The following PKLR variants were observed in gnomAD, a reference collection of about 807,000 sequenced individuals.
The protein encoded by PKLR is pyruvate kinase PKLR.
A neutral mutation model predicts 53.6 loss-of-function variants in PKLR; 38 were observed. The ratio of observed to expected loss-of-function variants is 0.71; its 90% CI spans 0.55 to 0.93. PKLR has a LOEUF of 0.93. Among genes scored for constraint, PKLR ranks in the 40% least tolerant of loss-of-function variants. The probability of loss-of-function intolerance (pLI) is 0.00; values close to 1 mark genes in which losing one functional copy is unlikely to be tolerated. For missense variants in PKLR, 702 were observed against 787.3 expected, an observed-to-expected ratio of 0.89 and a Z score of 1.30; for synonymous variants, 328 against 316.2, an observed-to-expected ratio of 1.04 and a Z score of -0.39.
intron 10 of PKLR, 23 bp from the exon 11 acceptor site, chr1:155,290,701 A>G: frequency 7.1e-7 from 1 of 1,403,136 alleles, no homozygotes; most frequent in Non-Finnish European, 1.0e-6. Context: ...AAGAAAACAA[A>G]TCATTGGACA....
chr1:155,308,132 C>G, the PKLR span, among the ~76,000 whole-genome samples: 5 of 150,062 alleles, frequency 3.3e-5, no homozygotes, highest in African/African-American at 4.9e-5. Flanking sequence ...TGGATCTCAG[C>G]TCACTGCAAC....
rs1674467874 is a variant in PKLR at position 155,290,175 on chromosome 1, G to C, written c.*397C>G. 3.7e-6 allele frequency: 1 copy of C among 270,010 alleles called. No individual in the cohort carries two copies. The highest frequency in any genetic ancestry group is 7.3e-6 in the Non-Finnish European group (1 of 137,592). The allele number at this position is 270,010 out of a possible 1,614,324, so 16.7% of individuals were successfully genotyped here. A position where few individuals can be genotyped will look rare whatever the true frequency, so the allele number is the denominator to read the frequency against. On this transcript the variant is annotated 3_prime_UTR_variant, in exon 11 of 11. Transcript: ENST00000342741. ...GCTACATATGAGAATGGGAGACTGT[G>C]GACAAGATTGCCCTGTCTCCCCTCT...
upstream of PKLR, chr1:155,301,510 C>A: frequency 7.3e-7 from 1 of 1,372,448 alleles, no homozygotes; most frequent in Non-Finnish European, 1.0e-6. Context: ...CCCAGTAGGC[C>A]ACCCTGTCCC....
chr1:155,296,499 C>T (rs536326492), intron 2 of PKLR, among the ~76,000 whole-genome samples: 13 of 152,106 alleles, frequency 8.5e-5, no homozygotes, highest in Admixed American at 2.6e-4. Flanking sequence ...TGCACCACCA[C>T]GCCTGGCTAA....
upstream of PKLR, among the ~76,000 whole-genome samples, chr1:155,302,760 C>A (rs12037847): frequency 3.6e-4 from 55 of 152,040 alleles, no homozygotes; most frequent in East Asian, 0.01. Flanking sequence ...GTAGCCTTGA[C>A]TTCCTGGGCT....
At position 155,291,687 on chromosome 1, in the gene PKLR, A is replaced by G. The variant is rs1674549165; in HGVS notation, c.1618+69T>C. On this transcript the variant is annotated intron_variant, in intron 10 of 10. Coordinates refer to ENST00000342741, the MANE Select transcript of PKLR (RefSeq NM_000298.6). ...GAGAGGCAAGGCCCTTTGAGTGGGT[A>G]TGGGAAGCTGGGTTGGGGGGCTCCT... 8.6e-6 allele frequency: 12 copies of G among 1,394,000 alleles called. No homozygotes were observed. The Admixed American group carries it at 1.3e-4, about 16-fold the overall frequency. 86.4% of individuals were successfully genotyped at this position (1,394,000 alleles called of 1,614,324 possible).
rs1327326493 is a variant in PKLR at position 155,294,652 on chromosome 1, G to C, written c.795C>G (p.Ser265=). The C allele has an allele frequency of 2.4e-5, 39 of 1,613,980 alleles. No homozygotes were observed. Among genetic ancestry groups the C allele is most frequent in the Non-Finnish European group, 3.2e-5 (38 of 1,180,030 alleles). The change falls in exon 6 of 11, where the codon TCC becomes TCG. Residue 265 remains serine (S), a synonymous_variant. Transcript: ENST00000342741. ...PGAQVDLPGL[S]EQDVRDLRFG... Reference sequence around the variant, plus strand: ...AGCGCAGGTCTCGGACGTCCTGCTCGGACAGCCCGGGCAAGTCCACCTGGG... The same window carrying C: ...AGCGCAGGTCTCGGACGTCCTGCTCCGACAGCCCGGGCAAGTCCACCTGGG...
At position 155,293,411 on chromosome 1, in the gene PKLR, C is replaced by T. The variant is rs763041770; in HGVS notation, c.1269+27G>A. ...ATGGAAGGGATTTGGTTCCCTGGCC[C>T]ATTTGCTTTTCATTCTGAGCTCCTA... On this transcript the variant is annotated intron_variant, in intron 8 of 10. Transcript: ENST00000342741. This position sits in a 1 kb window ranked among gnomAD's most constrained non-coding sequence, Gnocchi z 4.2. 4 of 1,614,098 alleles carry T rather than the reference C, an allele frequency of 2.5e-6. No individual in the cohort carries two copies. In the East Asian group the frequency reaches 8.9e-5, roughly 36 times the overall value.
rs774442850 is a variant in PKLR at position 155,290,409 on chromosome 1, G to C, written c.*163C>G. 1.6e-6 allele frequency: 1 copy of C among 637,330 alleles called. No individual in the cohort carries two copies. Among genetic ancestry groups the C allele is most frequent in the Admixed American group, 2.3e-5 (1 of 43,064 alleles). The allele number at this position is 637,330 out of a possible 1,614,324, so 39.5% of individuals were successfully genotyped here. ...GGAAGGGGCAACCTCGAAGGGGCTA[G>C]ATGACAGTTATAGTCTCAGATAGGC... On this transcript the variant is annotated 3_prime_UTR_variant, in exon 11 of 11. Transcript: ENST00000342741.
rs1278895712 is a variant in PKLR, at chr1:155,301,334, C to T, written c.62G>A (p.Arg21Lys). 7 of 1,613,954 alleles carry T rather than the reference C, an allele frequency of 4.3e-6. No individual in the cohort carries two copies. In the Admixed American group the frequency reaches 6.7e-5, roughly 15 times the overall value. Residue 21 changes from arginine to lysine, a missense_variant, in exon 1 of 11, where the codon AGA becomes AAA. This residue lies in a region of PKLR where 519 missense variants were observed against 537.1 expected (regional missense o/e 0.97). Coordinates refer to ENST00000342741, the MANE Select transcript of PKLR (RefSeq NM_000298.6). ...AATCAGGATGGACTTTGCTAAGTCT[C>T]TTTGGGACTTAGAGACCCATGACCG... The part of the protein sequence containing the change: ...QLRSWVSKSQ[R>K]DLAKSILIGA...
At chr1:155,298,373 G>T (rs1257184687) in intron 2 of PKLR, among the ~76,000 whole-genome samples, 2 of 146,492 alleles carry the variant, frequency 1.4e-5, no homozygotes, top group African/African-American at 2.5e-5. Flanking sequence ...TTGTTGCCCA[G>T]GCTGGGGTGC....
chr1:155,302,240 T>C (rs960327933), upstream of PKLR, among the ~76,000 whole-genome samples: 1 of 144,910 alleles, frequency 6.9e-6, no homozygotes, highest in African/African-American at 2.5e-5. Flanking sequence ...TTCTTTTCTT[T>C]TTTTTTTTTT....
chr1:155,306,526 G>T, the PKLR span, among the ~76,000 whole-genome samples: 2 of 152,188 alleles, frequency 1.3e-5, no homozygotes, highest in Non-Finnish European at 2.9e-5. This position sits in a 1 kb window ranked among gnomAD's most constrained non-coding sequence, Gnocchi z 4.2. Context: ...GGGACACCAG[G>T]AGAGACAGAG....
chr1:155,301,845 C>A (rs1648014977), upstream of PKLR, among the ~76,000 whole-genome samples: 1 of 151,982 alleles, frequency 6.6e-6, no homozygotes, highest in African/African-American at 2.4e-5. Flanking sequence ...ATGCAGAGTG[C>A]CTTCACCACT....
rs750102822 is a variant in PKLR, at chr1:155,295,171, C to G, written c.639G>C (p.Val213=). The G allele has an allele frequency of 2.5e-6, 4 of 1,614,034 alleles. No individual in the cohort carries two copies. In the African/African-American group the frequency reaches 5.3e-5, roughly 22 times the overall value. The change falls in exon 5 of 11, where the codon GTG becomes GTC. Residue 213 remains valine, a synonymous_variant. Coordinates refer to ENST00000342741, the MANE Select transcript of PKLR (RefSeq NM_000298.6). The surrounding 1 kb of genome is among the most constrained non-coding windows in gnomAD (Gnocchi z 4.3). ...CGTCGTCAATGTAGATGCGGCCCCC[C>G]ACCGGCACGACCCGGACAATATTGG... ...DYPNIVRVVP[V]GGRIYIDDGL...
upstream of PKLR, among the ~76,000 whole-genome samples, chr1:155,301,785 G>A (rs768149806): frequency 1.3e-5 from 2 of 152,098 alleles, no homozygotes; most frequent in African/African-American, 4.8e-5. Context: ...ATATGGTGGG[G>A]GGAGGGTTAC....
Position 155,301,171 on chromosome 1 carries a change from T to C in PKLR, c.100+125A>G. ...AACACACGGGAGGCTCTGAAGAACG[T>C]ACGTTCCTCTCCAAAACCCACCTAG... On this transcript the variant is annotated intron_variant, in intron 1 of 10. Coordinates refer to ENST00000342741, the MANE Select transcript of PKLR (RefSeq NM_000298.6). 3.7e-6 allele frequency: 5 copies of C among 1,347,984 alleles called. No individual in the cohort carries two copies. The South Asian group carries it at 6.1e-5, about 17-fold the overall frequency. The allele number at this position is 1,347,984 out of a possible 1,614,324, so 83.5% of individuals were successfully genotyped here. A position where few individuals can be genotyped will look rare whatever the true frequency, so the allele number is the denominator to read the frequency against.
upstream of PKLR, among the ~76,000 whole-genome samples, chr1:155,304,572 T>G (rs542337257): frequency 2.6e-5 from 4 of 151,670 alleles, no homozygotes; most frequent in East Asian, 7.7e-4. Context: ...GGCTTGGAGA[T>G]GCATTTTGGA....
rs1156919471 is a variant in PKLR at position 155,290,170 on chromosome 1, A to T, written c.*402T>A. The T allele has an allele frequency of 3.9e-6, 1 of 256,400 alleles. No homozygotes were observed. The highest frequency in any genetic ancestry group is 7.7e-6 in the Non-Finnish European group (1 of 129,996). 15.9% of individuals were successfully genotyped at this position (256,400 alleles called of 1,614,324 possible). On this transcript the variant is annotated 3_prime_UTR_variant, in exon 11 of 11. Coordinates refer to ENST00000342741, the MANE Select transcript of PKLR (RefSeq NM_000298.6). ...TGAGGGCTACATATGAGAATGGGAG[A>T]CTGTGGACAAGATTGCCCTGTCTCC...
Sources: gnomAD v4.1 joint callset for allele counts (sites outside exome capture counted in the v4.1 genomes callset) on GRCh38, gnomAD v4.1.1 for gene constraint, gnomAD v4.1.1 regional missense constraint, Gnocchi (gnomAD v3.1) non-coding constraint, MANE v1.5 for transcripts, NCBI Gene and HGNC (gene_info 2026-07-23, HGNC 2026-07-21) for gene names.